The following PRCC variants were observed in gnomAD, a reference collection of about 807,000 sequenced individuals.
PRCC encodes proline-rich protein PRCC.
Under a neutral mutation model 44.0 loss-of-function variants are expected in PRCC, and 10 were observed. The observed-to-expected ratio is 0.23, with a 90% CI of 0.14 to 0.39. The LOEUF is 0.39. PRCC is among the 10% of genes least tolerant of loss of function. The pLI is 1.00. For missense variants in PRCC, 573 were observed against 624.7 expected (o/e 0.92, Z 0.88); for synonymous variants, 278 against 259.5 (o/e 1.07, Z -0.69).
chr1:156,773,813 T>C (rs1651719345), intron 1 of PRCC, among the ~76,000 whole-genome samples: 1 of 152,216 alleles, frequency 6.6e-6, no homozygotes, highest in East Asian at 1.9e-4. Flanking sequence ...GTGTTCATAG[T>C]AGCAATACTC....
intron 1 of PRCC, 143 bp from the exon 2 acceptor site, chr1:156,782,139 C>T (rs1243908142): frequency 1.7e-6 from 1 of 604,844 alleles, no homozygotes; most frequent in Non-Finnish European, 2.8e-6. Context: ...TTTGACTGGG[C>T]CTGGGGTGAG....
chr1:156,768,100 T>C lies in PRCC; in HGVS notation c.329T>C (p.Leu110Ser). ...GCGGGAGTTGGGGAGGGACTGGGAT[T>C]GGGGTTGCCCTCGCCCCGAGGCCCT... ...EAAGVGEGLG[L>S]GLPSPRGPGL... The change falls in exon 1 of 7, where the codon TTG becomes TCG. Residue 110 changes from leucine (L) to serine (S), a missense_variant. Physicochemically the swap from Leu to Ser is moderately radical, Grantham distance 145 (BLOSUM62 -2). Transcript: ENST00000271526. The C allele has an allele frequency of 1.3e-6, 2 of 1,587,414 alleles. No homozygotes were observed. The highest frequency in any genetic ancestry group is 2.3e-5 in the South Asian group (2 of 87,806).
Position 156,782,272 on chromosome 1 carries a change from T to C in PRCC, c.469-10T>C. 6.3e-7 allele frequency: 1 copy of C among 1,598,490 alleles called. No individual in the cohort carries two copies. The highest frequency in any genetic ancestry group is 1.1e-5 in the South Asian group (1 of 90,336). ...ACAGTGAGGCCTTACTTCATTTCTTTTTCTCTTAGTCAGATTCTGAGGAAG... is the reference window on the plus strand; with the variant it reads ...ACAGTGAGGCCTTACTTCATTTCTTCTTCTCTTAGTCAGATTCTGAGGAAG... On this transcript the variant is annotated splice_polypyrimidine_tract_variant and intron_variant, in intron 1 of 6. Coordinates refer to ENST00000271526, the MANE Select transcript of PRCC (RefSeq NM_005973.5).
intron 4 of PRCC, among the ~76,000 whole-genome samples, chr1:156,792,615 A>G (rs1652530956): frequency 6.6e-6 from 1 of 151,960 alleles, no homozygotes; most frequent in African/African-American, 2.4e-5. Context: ...CACCATGTCC[A>G]GCTAATTTTT....
At chr1:156,794,602 T>C in intron 4 of PRCC, 63 bp from the exon 5 acceptor site, 2 of 1,582,706 alleles carry the variant, frequency 1.3e-6, no homozygotes, top group East Asian at 2.2e-5. Flanking sequence ...ACTCTGGCTC[T>C]TTAGTGGCAT....
In PRCC at chr1:156,767,856, C is replaced by G. The variant is rs561912320; in HGVS notation, c.85C>G (p.Pro29Ala). The G allele has an allele frequency of 2.5e-6, 4 of 1,609,426 alleles. No individual in the cohort carries two copies. Among genetic ancestry groups the G allele is most frequent in the Non-Finnish European group, 2.5e-6 (3 of 1,178,658 alleles). ...GCCGGAGGAAGAGGAGGCGGTGGCT[C>G]CTACATCTGGGCCCGCTTTAGGGGG... ...PEPEEEEAVA[P>A]TSGPALGGLF... is the part of the protein sequence containing the mutation. Residue 29 changes from proline (P) to alanine (A), a missense_variant, in exon 1 of 7, where the codon CCT becomes GCT. Pro to Ala is a conservative substitution (Grantham distance 27, BLOSUM62 -1). Transcript: ENST00000271526.
At chr1:156,792,090 C>T (rs1013638151) in intron 4 of PRCC, among the ~76,000 whole-genome samples, 2 of 76,046 alleles carry the variant, frequency 2.6e-5, no homozygotes, top group African/African-American at 8.6e-5. Context: ...TTGGTAGAGA[C>T]GGGGTCTTGC....
intron 2 of PRCC, 121 bp downstream of exon 2, chr1:156,782,450 A>AT (rs1652082946): frequency 4.6e-6 from 4 of 867,374 alleles, no homozygotes; most frequent in Non-Finnish European, 5.2e-6. Context: ...TTTGAGGACT[A>AT]TTTAGGTTCG....
chr1:156,777,643 A>T (rs2102757275), intron 1 of PRCC, among the ~76,000 whole-genome samples: 1 of 152,382 alleles, frequency 6.6e-6, no homozygotes, highest in South Asian at 2.1e-4. Context: ...GCAAGAATAT[A>T]TGTGAAAAAT....
chr1:156,798,338 G>T (rs867956505), intron 6 of PRCC, among the ~76,000 whole-genome samples: 1 of 150,592 alleles, frequency 6.6e-6, no homozygotes, highest in Non-Finnish European at 1.5e-5. Flanking sequence ...ACAGAGTCTC[G>T]CTCTGTTGCC....
intron 5 of PRCC, 36 bp from the exon 6 acceptor site, chr1:156,797,240 C>T: frequency 6.2e-7 from 1 of 1,613,574 alleles, no homozygotes; most frequent in Non-Finnish European, 8.5e-7. Context: ...CTGCTTTCAT[C>T]CTGTGGATTA....
At chr1:156,770,132 T>C (rs1651576279) in intron 1 of PRCC, among the ~76,000 whole-genome samples, 1 of 152,228 alleles carries the variant, frequency 6.6e-6, no homozygotes, top group South Asian at 2.1e-4. Flanking sequence ...GGAGAGGCCG[T>C]AGAATCTGCC....
At chr1:156,777,097 T>G (rs538357426) in intron 1 of PRCC, among the ~76,000 whole-genome samples, 1 of 152,330 alleles carries the variant, frequency 6.6e-6, no homozygotes, top group African/African-American at 2.4e-5. Flanking sequence ...TATTTGCACC[T>G]TAGGCTTGGG....
intron 6 of PRCC, among the ~76,000 whole-genome samples, chr1:156,798,628 G>A (rs918889661): frequency 1.3e-5 from 2 of 152,000 alleles, no homozygotes; most frequent in African/African-American, 2.4e-5. Context: ...AGGCTGAGGC[G>A]GGCGGATCAC....
intron 1 of PRCC, among the ~76,000 whole-genome samples, chr1:156,770,817 G>C (rs1310086136): frequency 6.6e-6 from 1 of 152,186 alleles, no homozygotes; most frequent in African/African-American, 2.4e-5. Context: ...TTTAGAGTTT[G>C]GTGCTGAAGT....
chr1:156,784,569 G>C (rs992250453), intron 2 of PRCC, among the ~76,000 whole-genome samples: 15 of 152,174 alleles, frequency 9.9e-5, no homozygotes, highest in Non-Finnish European at 1.5e-5. Context: ...CCTCAGTGTG[G>C]TTCCTATGAA....
At chr1:156,768,300 G>T in intron 1 of PRCC, 61 bp downstream of exon 1, 2 of 1,479,022 alleles carry the variant, frequency 1.4e-6, no homozygotes, top group South Asian at 2.4e-5. Context: ...CTGTAGGAGG[G>T]ACATGTGGAG....
chr1:156,787,814 C>T (rs1040714503), intron 3 of PRCC, among the ~76,000 whole-genome samples: 3 of 149,828 alleles, frequency 2.0e-5, no homozygotes, highest in Admixed American at 2.0e-4. Flanking sequence ...CCCTAACATG[C>T]CCAGCTAATT....
intron 2 of PRCC, among the ~76,000 whole-genome samples, chr1:156,784,668 G>T (rs769948117): frequency 6.6e-5 from 10 of 152,218 alleles, no homozygotes; most frequent in Non-Finnish European, 1.2e-4. Context: ...GCAGTTCTGT[G>T]TGGCTTGACT....
Sources: allele counts gnomAD v4.1 joint callset (sites outside exome capture counted in the v4.1 genomes callset), GRCh38; gene constraint gnomAD v4.1.1; transcripts MANE v1.5; gene names NCBI Gene and HGNC (gene_info 2026-07-23, HGNC 2026-07-21).